The following PLPP1 variants were observed in gnomAD, a reference collection of about 807,000 sequenced individuals.
PLPP1 encodes the protein lipid phosphate phosphohydrolase 1a.
In PLPP1, 24 loss-of-function variants were observed where a neutral mutation model predicts 31.2. The observed-to-expected ratio is 0.77, with a 90% CI of 0.56 to 1.08. PLPP1 has a LOEUF of 1.08. PLPP1 is among the 50% of genes least tolerant of loss of function. PLPP1 has a pLI of 0.00. For synonymous variants in PLPP1, 146 were observed against 126.3 expected, an observed-to-expected ratio of 1.16 and a Z score of -1.05; for missense variants, 319 against 342.7, an observed-to-expected ratio of 0.93 and a Z score of 0.55.
chr5:55,439,008 C>T (rs548034624), intron 4 of PLPP1, among the ~76,000 whole-genome samples: 1 of 152,216 alleles, frequency 6.6e-6, no homozygotes, highest in East Asian at 1.9e-4. Flanking sequence ...ATTTCCACTA[C>T]CTAGAGTCAG....
chr5:55,506,819 C>G (rs772362331), intron 1 of PLPP1, among the ~76,000 whole-genome samples: 13 of 152,076 alleles, frequency 8.5e-5, no homozygotes, highest in Non-Finnish European at 1.8e-4. Flanking sequence ...TTCATTTTCT[C>G]CTTTTAGTAG....
At position 55,466,532 on chromosome 5, in the gene PLPP1, G is replaced by A. The variant is rs1752298943; in HGVS notation, c.491+1337C>T. Among the ~76,000 whole-genome samples, 4 of 152,006 alleles carry A rather than the reference G, an allele frequency of 2.6e-5. No individual in the cohort carries two copies. The South Asian group carries it at 6.2e-4, about 24-fold the overall frequency. ...AGCCTGGAAAACATGGTAAAACCCC[G>A]TCTCTACTAAAAATACAAAAATTAG... is the stretch of plus-strand genomic sequence containing the variant. On this transcript the variant is annotated intron_variant, in intron 3 of 5. Transcript: ENST00000307259.
intron 1 of PLPP1, among the ~76,000 whole-genome samples, chr5:55,528,218 A>G (rs1309009521): frequency 6.7e-6 from 1 of 149,832 alleles, no homozygotes; most frequent in East Asian, 1.9e-4. Flanking sequence ...GTTGGAAAAG[A>G]AAAAAAAAAG....
intron 1 of PLPP1, among the ~76,000 whole-genome samples, chr5:55,480,245 T>G (rs1241951260): frequency 6.6e-6 from 1 of 152,184 alleles, no homozygotes; most frequent in African/African-American, 2.4e-5. Context: ...CTGTTTCTTA[T>G]TACTTGAGCT....
At chr5:55,533,021 C>T (rs1740732390) in intron 1 of PLPP1, among the ~76,000 whole-genome samples, 1 of 150,296 alleles carries the variant, frequency 6.7e-6, no homozygotes, top group African/African-American at 2.4e-5. Flanking sequence ...ATTCCTAAAA[C>T]TCACTGTGGA....
At chr5:55,524,837 T>C (rs548587875) in intron 1 of PLPP1, among the ~76,000 whole-genome samples, 7 of 152,168 alleles carry the variant, frequency 4.6e-5, no homozygotes, top group Non-Finnish European at 8.8e-5. Flanking sequence ...TTAGGAATAT[T>C]AACTCTACTT....
intron 1 of PLPP1, among the ~76,000 whole-genome samples, chr5:55,481,401 T>C (rs1221892693): frequency 6.6e-6 from 1 of 152,182 alleles, no homozygotes; most frequent in Non-Finnish European, 1.5e-5. Context: ...TATTCCATTG[T>C]ACGAATCTAA....
chr5:55,529,465 C>T (rs1467191258), intron 1 of PLPP1, among the ~76,000 whole-genome samples: 1 of 151,960 alleles, frequency 6.6e-6, no homozygotes, highest in Non-Finnish European at 1.5e-5. Context: ...TTAGTATATT[C>T]TAGGCTTACA....
At chr5:55,498,501 A>G (rs1444180694) in intron 1 of PLPP1, among the ~76,000 whole-genome samples, 2 of 152,112 alleles carry the variant, frequency 1.3e-5, no homozygotes, top group Non-Finnish European at 2.9e-5. Context: ...CCTAATTACC[A>G]CCTAATAACA....
intron 4 of PLPP1, among the ~76,000 whole-genome samples, chr5:55,427,775 T>TGGG (rs35821302): frequency 2.0e-5 from 2 of 99,966 alleles, no homozygotes; most frequent in African/African-American, 3.8e-5. Flanking sequence ...AACACTTTTT[T>TGGG]GGGGGGGGGG....
intron 1 of PLPP1, among the ~76,000 whole-genome samples, chr5:55,501,116 C>T (rs1753134197): frequency 6.6e-6 from 1 of 152,118 alleles, no homozygotes; most frequent in Non-Finnish European, 1.5e-5. Context: ...AGTTTGAGAC[C>T]AGCCTGGCCA....
chr5:55,494,340 T>C (rs571468365), intron 1 of PLPP1, among the ~76,000 whole-genome samples: 2 of 152,318 alleles, frequency 1.3e-5, no homozygotes, highest in African/African-American at 2.4e-5. Flanking sequence ...ACTTGAGCAC[T>C]GATCACAAAT....
At chr5:55,496,901 A>G (rs1356800988) in intron 1 of PLPP1, among the ~76,000 whole-genome samples, 1 of 152,228 alleles carries the variant, frequency 6.6e-6, no homozygotes, top group Non-Finnish European at 1.5e-5. Context: ...TTCCAATGGA[A>G]TAAATCTAAA....
intron 1 of PLPP1, among the ~76,000 whole-genome samples, chr5:55,492,119 T>C (rs1752907135): frequency 1.3e-5 from 2 of 152,144 alleles, no homozygotes; most frequent in South Asian, 4.1e-4. Flanking sequence ...AATTAGTGGC[T>C]TCTTAAGATA....
chr5:55,506,030 G>C (rs142296390), intron 1 of PLPP1, among the ~76,000 whole-genome samples: 2 of 151,980 alleles, frequency 1.3e-5, no homozygotes, highest in African/African-American at 4.8e-5. Context: ...GCACTCCAGC[G>C]TAGGCAACAG....
rs1190492147 is a variant in PLPP1, at chr5:55,487,386, G to GA, written c.59-11937dup. Reference sequence around the variant, plus strand: ...GAACTACACAAAGCCAAAAATGATGGAAAAAAAAAAGTCTGGTGTCAAATC... The same window carrying GA: ...GAACTACACAAAGCCAAAAATGATGGAAAAAAAAAAAGTCTGGTGTCAAATC... On this transcript the variant is annotated intron_variant, in intron 1 of 5. Transcript: ENST00000307259. Among the ~76,000 whole-genome samples the GA allele has an allele frequency of 1.4e-3, 179 of 127,040 alleles. 1 individual carries two copies. The highest frequency in any genetic ancestry group is 4.4e-3 in the African/African-American group (152 of 34,478). The allele number at this position is 127,040 out of a possible 152,430, so 83.3% of individuals were successfully genotyped here.
intron 2 of PLPP1, among the ~76,000 whole-genome samples, chr5:55,474,573 C>A (rs1464072782): frequency 2.0e-5 from 3 of 152,142 alleles, no homozygotes; most frequent in African/African-American, 4.8e-5. Context: ...AGTAAAAATT[C>A]TTTCATATTC....
rs1201247304 is a variant in PLPP1 at position 55,455,471 on chromosome 5, CAGCACCTATAGGTGCCAACA to C, written c.491+12378_491+12397del. Among the ~76,000 whole-genome samples the C allele has an allele frequency of 2.6e-5, 4 of 152,170 alleles. No individual in the cohort carries two copies. The South Asian group carries it at 6.2e-4, about 24-fold the overall frequency. On this transcript the variant is annotated intron_variant, in intron 3 of 5. Coordinates refer to ENST00000307259, the MANE Select transcript of PLPP1 (RefSeq NM_003711.4). Reference sequence around the variant, plus strand: ...TAGCCAAGCATGGTGGCTACACCAACAGCACCTATAGGTGCCAACAAGCACCTATAGTCCCAGCTGCTCGG... The same window carrying C: ...TAGCCAAGCATGGTGGCTACACCAACAGCACCTATAGTCCCAGCTGCTCGG...
At position 55,524,652 on chromosome 5, in the gene PLPP1, A is replaced by C. The variant is rs377523387; in HGVS notation, c.58+9920T>G. ...TGGTGAAACCCCATCTCTACTAAAA[A>C]TACAAAAATTAGCCCGACGTGGTGG... On this transcript the variant is annotated intron_variant, in intron 1 of 5. Coordinates refer to ENST00000307259, the MANE Select transcript of PLPP1 (RefSeq NM_003711.4). Among the ~76,000 whole-genome samples, 11 of 152,218 alleles carry C rather than the reference A, an allele frequency of 7.2e-5. No homozygotes were observed. The East Asian group carries it at 1.9e-3, about 27-fold the overall frequency.
Sources: gnomAD v4.1 joint callset for allele counts (sites outside exome capture counted in the v4.1 genomes callset) on GRCh38, gnomAD v4.1.1 for gene constraint, MANE v1.5 for transcripts, NCBI Gene and HGNC (gene_info 2026-07-23, HGNC 2026-07-21) for gene names.